NCKAP5: variants seen among roughly 807,000 people sequenced by gnomAD.
The protein encoded by NCKAP5 is nck-associated protein 5.
Under a neutral mutation model 167.0 loss-of-function variants are expected in NCKAP5, and 92 were observed. That is an observed-to-expected ratio of 0.55 (90% confidence interval 0.47 to 0.66). NCKAP5 has a LOEUF of 0.66. Among genes scored for constraint, NCKAP5 ranks in the 30% least tolerant of loss-of-function variants. NCKAP5 has a pLI of 0.00. For missense variants in NCKAP5, 2,378 were observed against 2,315.0 expected, an observed-to-expected ratio of 1.03 and a Z score of -0.56; for synonymous variants, 891 against 877.4, an observed-to-expected ratio of 1.02 and a Z score of -0.27.
chr2:133,570,641 C>G (rs1363013158), upstream of NCKAP5, among the ~76,000 whole-genome samples: 1 of 152,186 alleles, frequency 6.6e-6, no homozygotes, highest in Non-Finnish European at 1.5e-5. Flanking sequence ...AAGTGCTGAC[C>G]TTTTCCTTGT....
At chr2:133,235,337 C>T (rs932895771) in intron 4 of NCKAP5, among the ~76,000 whole-genome samples, 2 of 152,024 alleles carry the variant, frequency 1.3e-5, no homozygotes, top group Non-Finnish European at 1.5e-5. Context: ...GTGTCCTTTT[C>T]GTGATCTATT....
At chr2:132,939,747 C>G (rs929802832) in intron 8 of NCKAP5, among the ~76,000 whole-genome samples, 1 of 152,070 alleles carries the variant, frequency 6.6e-6, no homozygotes, top group Non-Finnish European at 1.5e-5. Flanking sequence ...CACCTGTAAT[C>G]CCAGCACTTT....
At chr2:133,177,189 C>G (rs866267423) in intron 5 of NCKAP5, among the ~76,000 whole-genome samples, 1,284 of 97,342 alleles carry the variant, frequency 0.013, 20 homozygotes, top group African/African-American at 0.04. Context: ...TATATATATA[C>G]TCAAGAAACT....
intron 6 of NCKAP5, among the ~76,000 whole-genome samples, chr2:133,043,693 T>G (rs1021329101): frequency 7.2e-5 from 11 of 152,158 alleles, no homozygotes; most frequent in African/African-American, 2.2e-4. Context: ...ATTAACTCCT[T>G]TAAGCTTCTC....
At chr2:133,411,344 G>C in intron 3 of NCKAP5, among the ~76,000 whole-genome samples, 1 of 152,150 alleles carries the variant, frequency 6.6e-6, no homozygotes, top group Admixed American at 6.5e-5. Flanking sequence ...AATATTTTTG[G>C]CATAAGTATC....
At chr2:133,498,193 T>C (rs1326647250) in intron 3 of NCKAP5, among the ~76,000 whole-genome samples, 4 of 152,162 alleles carry the variant, frequency 2.6e-5, no homozygotes, top group South Asian at 2.1e-4. Context: ...CTGTGGCTAC[T>C]GTGTTGAAGA....
At chr2:133,655,852 C>T in the NCKAP5 span, among the ~76,000 whole-genome samples, 4 of 152,140 alleles carry the variant, frequency 2.6e-5, no homozygotes, top group Admixed American at 2.0e-4. Context: ...TGAAGGTACA[C>T]GAGCCAAAAG....
chr2:132,766,721 C>G (rs1479663955), intron 16 of NCKAP5, among the ~76,000 whole-genome samples: 1 of 152,224 alleles, frequency 6.6e-6, no homozygotes, highest in African/African-American at 2.4e-5. Flanking sequence ...ATCTTCCCCT[C>G]TTTCCTGACC....
chr2:133,145,861 TAA>T (rs1559189910), intron 5 of NCKAP5, among the ~76,000 whole-genome samples: 1 of 151,950 alleles, frequency 6.6e-6, no homozygotes, highest in Non-Finnish European at 1.5e-5. Flanking sequence ...CCCCAAGAAT[TAA>T]AAAAGATTGC....
chr2:133,408,762 T>A (rs1199774953), intron 3 of NCKAP5, among the ~76,000 whole-genome samples: 1 of 152,242 alleles, frequency 6.6e-6, no homozygotes, highest in Admixed American at 6.5e-5. Context: ...TGCCAGCCAC[T>A]GGCAGAGCCT....
chr2:133,397,604 C>G (rs148927269), intron 3 of NCKAP5, among the ~76,000 whole-genome samples: 1 of 152,058 alleles, frequency 6.6e-6, no homozygotes, highest in African/African-American at 2.4e-5. Flanking sequence ...ATGTGTTTTG[C>G]GGATTAAGCA....
At chr2:133,058,375 C>T (rs1195601815) in intron 6 of NCKAP5, among the ~76,000 whole-genome samples, 1 of 152,108 alleles carries the variant, frequency 6.6e-6, no homozygotes. Flanking sequence ...AATTGAAAAC[C>T]TTCTGGAAAG....
intron 5 of NCKAP5, among the ~76,000 whole-genome samples, chr2:133,138,860 A>C (rs1040900564): frequency 1.3e-5 from 2 of 152,202 alleles, no homozygotes. Context: ...TCAGCTAGAC[A>C]CAGCCTGCTT....
At chr2:132,965,574 C>T (rs1197657117) in intron 7 of NCKAP5, among the ~76,000 whole-genome samples, 2 of 152,074 alleles carry the variant, frequency 1.3e-5, no homozygotes. Context: ...TATACATATA[C>T]ATATGTATAT....
At chr2:133,018,110 ATTG>A (rs2078405377) in intron 6 of NCKAP5, among the ~76,000 whole-genome samples, 1 of 152,076 alleles carries the variant, frequency 6.6e-6, no homozygotes, top group African/African-American at 2.4e-5. Context: ...TATCACTCAC[ATTG>A]TTGTCTCCCA....
chr2:133,606,545 G>A, the NCKAP5 span, among the ~76,000 whole-genome samples: 2 of 152,124 alleles, frequency 1.3e-5, no homozygotes, highest in Non-Finnish European at 2.9e-5. Flanking sequence ...ACTGGTGACT[G>A]ACCATGCCTA....
At chr2:133,492,159 G>GTGTGTGTGTGTGTGTGTGTGTGTGTA in intron 3 of NCKAP5, among the ~76,000 whole-genome samples, 1 of 151,846 alleles carries the variant, frequency 6.6e-6, no homozygotes, top group South Asian at 2.1e-4. Context: ...GTGTGTGTGT[G>GTGTGTGTGTGTGTGTGTGTGTGTGTA]TGTGTGTGTG....
chr2:132,856,528 C>T (rs1459741725), intron 11 of NCKAP5, among the ~76,000 whole-genome samples: 2 of 152,158 alleles, frequency 1.3e-5, no homozygotes, highest in African/African-American at 4.8e-5. Flanking sequence ...TTCTTCCTAA[C>T]TTGGCCTAAG....
chr2:133,209,686 A>G (rs2086119692), intron 5 of NCKAP5, among the ~76,000 whole-genome samples: 1 of 152,102 alleles, frequency 6.6e-6, no homozygotes, highest in Admixed American at 6.6e-5. Context: ...ACATTGCTAG[A>G]AAAACTGCTC....
Sources: allele counts gnomAD v4.1 joint callset (sites outside exome capture counted in the v4.1 genomes callset), GRCh38; gene constraint gnomAD v4.1.1; transcripts MANE v1.5; gene names NCBI Gene and HGNC (gene_info 2026-07-23, HGNC 2026-07-21).